Variants in SMOC1 observed in about 807,000 individuals in gnomAD.
The protein encoded by SMOC1 is SPARC-related modular calcium-binding protein 1.
A neutral mutation model predicts 56.3 loss-of-function variants in SMOC1; 22 were observed. The observed-to-expected ratio is 0.39, with a 90% CI of 0.28 to 0.56. SMOC1 has a LOEUF of 0.56. Among genes scored for constraint, SMOC1 ranks in the 20% least tolerant of loss-of-function variants. SMOC1 has a pLI of 0.61. For synonymous variants in SMOC1, 193 were observed against 215.0 expected, an observed-to-expected ratio of 0.90 and a Z score of 0.89; for missense variants, 509 against 565.4, an observed-to-expected ratio of 0.90 and a Z score of 1.01.
intron 1 of SMOC1, among the ~76,000 whole-genome samples, chr14:69,902,899 C>T (rs573508952): frequency 1.8e-4 from 27 of 152,330 alleles, no homozygotes; most frequent in African/African-American, 5.5e-4. Context: ...GGATTGCAGA[C>T]GGAGTCTCGT....
At chr14:69,914,162 C>A (rs563756653) in intron 1 of SMOC1, among the ~76,000 whole-genome samples, 109 of 152,300 alleles carry the variant, frequency 7.2e-4, no homozygotes, top group African/African-American at 2.4e-3. Flanking sequence ...CATTAACAAG[C>A]CCTGGGCGTG....
At position 70,031,103 on chromosome 14, in the gene SMOC1, G is replaced by T. The variant is rs1023413051; in HGVS notation, c.*845G>T. 1 of 152,132 alleles carries T rather than the reference G, an allele frequency of 6.6e-6. No individual in the cohort carries two copies. The highest frequency in any genetic ancestry group is 2.4e-5 in the African/African-American group (1 of 41,418). 9.4% of individuals were successfully genotyped at this position (152,132 alleles called of 1,614,324 possible). On this transcript the variant is annotated 3_prime_UTR_variant, in exon 12 of 12. Transcript: ENST00000361956. Reference sequence around the variant, plus strand: ...ATTATCCACAAAGGATTTGCATTACGTCACTCGAAACGTTTTCATCCATGC... The same window carrying T: ...ATTATCCACAAAGGATTTGCATTACTTCACTCGAAACGTTTTCATCCATGC...
chr14:69,886,137 G>A (rs1475119386), intron 1 of SMOC1: 6 of 1,482,080 alleles, frequency 4.0e-6, no homozygotes, highest in Non-Finnish European at 4.6e-6. Context: ...TTTCCTTTCG[G>A]CATCTTGGGC....
intron 11 of SMOC1, 141 bp from the exon 12 acceptor site, chr14:70,030,101 G>C: frequency 8.0e-7 from 1 of 1,256,232 alleles, no homozygotes; most frequent in Non-Finnish European, 1.1e-6. Flanking sequence ...GCCTCATAGA[G>C]GACAGCAGGT....
intron 1 of SMOC1, among the ~76,000 whole-genome samples, chr14:69,900,261 AG>A (rs1884207647): frequency 6.6e-6 from 1 of 152,186 alleles, no homozygotes; most frequent in African/African-American, 2.4e-5. Flanking sequence ...GATGTGGCTG[AG>A]GGTAGGGAGT....
intron 5 of SMOC1, among the ~76,000 whole-genome samples, chr14:69,980,760 C>T (rs1884149373): frequency 6.6e-6 from 1 of 152,172 alleles, no homozygotes; most frequent in Non-Finnish European, 1.5e-5. Flanking sequence ...CATCTATTAC[C>T]CTGAGGCCTG....
At chr14:69,985,783 T>C (rs1884343546) in intron 5 of SMOC1, among the ~76,000 whole-genome samples, 1 of 152,136 alleles carries the variant, frequency 6.6e-6, no homozygotes, top group African/African-American at 2.4e-5. Flanking sequence ...TGAAGAAGGA[T>C]GAATACAGTA....
At chr14:70,029,470 G>A (rs1001610490) in intron 11 of SMOC1, among the ~76,000 whole-genome samples, 1 of 152,244 alleles carries the variant, frequency 6.6e-6, no homozygotes, top group African/African-American at 2.4e-5. Flanking sequence ...AAGGGACTTT[G>A]TGTGAAGGCG....
At chr14:69,976,907 T>C (rs1464386097) in intron 4 of SMOC1, among the ~76,000 whole-genome samples, 1 of 152,216 alleles carries the variant, frequency 6.6e-6, no homozygotes, top group Non-Finnish European at 1.5e-5. Context: ...GAAAGGGCTA[T>C]AAGAATCTAC....
intron 2 of SMOC1, among the ~76,000 whole-genome samples, chr14:69,953,182 T>G (rs1470372990): frequency 6.6e-6 from 1 of 152,098 alleles, no homozygotes; most frequent in African/African-American, 2.4e-5. Context: ...GTAGAGGTAC[T>G]TGGGAGAAAA....
At chr14:69,907,813 C>T (rs1884450056) in intron 1 of SMOC1, among the ~76,000 whole-genome samples, 1 of 152,216 alleles carries the variant, frequency 6.6e-6, no homozygotes, top group South Asian at 2.1e-4. Flanking sequence ...GTTTCCTTAT[C>T]TATAAGGTTC....
chr14:69,939,521 C>T (rs761048258), intron 1 of SMOC1, among the ~76,000 whole-genome samples: 1 of 152,148 alleles, frequency 6.6e-6, no homozygotes. Context: ...ACAGCCAGTT[C>T]CAGTGTCATC....
chr14:69,909,766 T>G (rs2139343751), intron 1 of SMOC1, among the ~76,000 whole-genome samples: 1 of 152,346 alleles, frequency 6.6e-6, no homozygotes, highest in Middle Eastern at 3.4e-3. Context: ...TTAAAAAATC[T>G]GTATTCTCAT....
Position 69,977,925 on chromosome 14 carries a change from C to T in SMOC1, c.486C>T (p.Val162=). Residue 162 remains valine, a synonymous_variant, in exon 5 of 12, where the codon GTC becomes GTT. Coordinates refer to ENST00000361956, the MANE Select transcript of SMOC1 (RefSeq NM_001034852.3). ...QNKTPVCSGS[V]TDKPLSQGNS... ...TTTCCCTTCTCACCCAAGGTTCAGT[C>T]ACCGACAAGCCCTTGAGCCAGGGTA... 1 of 1,613,944 alleles carries T rather than the reference C, an allele frequency of 6.2e-7. No homozygotes were observed. Among genetic ancestry groups the T allele is most frequent in the South Asian group, 1.1e-5 (1 of 91,052 alleles).
intron 11 of SMOC1, among the ~76,000 whole-genome samples, chr14:70,028,477 T>C (rs186814010): frequency 1.3e-5 from 2 of 152,302 alleles, no homozygotes; most frequent in East Asian, 3.9e-4. Context: ...TTCATCATCC[T>C]AAGATGGAGA....
intron 7 of SMOC1, among the ~76,000 whole-genome samples, chr14:70,006,180 G>C (rs1015896481): frequency 1.3e-5 from 2 of 152,180 alleles, no homozygotes; most frequent in Non-Finnish European, 2.9e-5. Flanking sequence ...CCACTTCCTA[G>C]TTCTGTGATC....
At chr14:69,982,185 G>A (rs950598169) in intron 5 of SMOC1, among the ~76,000 whole-genome samples, 3 of 152,122 alleles carry the variant, frequency 2.0e-5, no homozygotes, top group African/African-American at 7.2e-5. Flanking sequence ...GTTGTTTAAG[G>A]AAAGCAAGAG....
intron 3 of SMOC1, among the ~76,000 whole-genome samples, chr14:69,973,885 G>A (rs77506975): frequency 0.045 from 6,874 of 152,172 alleles, 353 homozygotes; most frequent in African/African-American, 0.12. Flanking sequence ...CTCAATTTGT[G>A]TGCTATTACT....
At chr14:69,942,153 C>T (rs986844712) in intron 1 of SMOC1, among the ~76,000 whole-genome samples, 1 of 152,072 alleles carries the variant, frequency 6.6e-6, no homozygotes, top group Non-Finnish European at 1.5e-5. Context: ...GGCTTTGCTT[C>T]CTGGTTTCAA....
Sources: gnomAD v4.1 joint callset for allele counts (sites outside exome capture counted in the v4.1 genomes callset) on GRCh38, gnomAD v4.1.1 for gene constraint, MANE v1.5 for transcripts, NCBI Gene and HGNC (gene_info 2026-07-23, HGNC 2026-07-21) for gene names.